LRRC74A: variants seen among roughly 807,000 people sequenced by gnomAD.
LRRC74A encodes the protein leucine rich repeat containing 74A.
LRRC74A carries 44 observed loss-of-function variants against 57.9 expected under a neutral mutation model. The observed-to-expected ratio is 0.76, with a 90% CI of 0.60 to 0.98. The LOEUF is 0.98. Ranked by LOEUF, LRRC74A falls within the 50% of genes least tolerant of loss-of-function variation. The pLI, the probability that LRRC74A is intolerant of heterozygous loss-of-function variation, is 0.00. For synonymous variants in LRRC74A, 211 were observed against 219.4 expected, an observed-to-expected ratio of 0.96 and a Z score of 0.34; for missense variants, 572 against 574.0, an observed-to-expected ratio of 1.00 and a Z score of 0.04.
At chr14:76,866,640 C>T (rs1035980279) in intron 12 of LRRC74A, among the ~76,000 whole-genome samples, 2 of 151,928 alleles carry the variant, frequency 1.3e-5, no homozygotes, top group South Asian at 2.1e-4. Context: ...GTGCCCAGGC[C>T]GGGGGTGAAG....
intron 2 of LRRC74A, chr14:76,829,127 GT>G (rs1164158964): frequency 7.8e-7 from 1 of 1,289,420 alleles, no homozygotes; most frequent in South Asian, 1.2e-5. Context: ...GAGAACACTT[GT>G]GAAGCAAGAG....
chr14:76,827,955 ACACCCCAAAACC>A (rs1449138106), intron 1 of LRRC74A, among the ~76,000 whole-genome samples: 1 of 152,144 alleles, frequency 6.6e-6, no homozygotes, highest in African/African-American at 2.4e-5. Flanking sequence ...GAGTAACAGC[ACACCCCAAAACC>A]CACCCAAACA....
chr14:76,868,441 C>T (rs903527853), intron 13 of LRRC74A, among the ~76,000 whole-genome samples: 1 of 152,188 alleles, frequency 6.6e-6, no homozygotes, highest in Non-Finnish European at 1.5e-5. Flanking sequence ...TGCACTTCAG[C>T]CTGGACGACA....
chr14:76,834,760 CT>C (rs1390235339), intron 3 of LRRC74A, among the ~76,000 whole-genome samples: 1 of 152,180 alleles, frequency 6.6e-6, no homozygotes, highest in Non-Finnish European at 1.5e-5. Flanking sequence ...CAGTATGAAT[CT>C]GGCAGTGGTG....
rs563986172 is a variant in LRRC74A, at chr14:76,845,123, A to C, written c.676+222A>C. On this transcript the variant is annotated intron_variant, in intron 7 of 13. Coordinates refer to ENST00000689127, the MANE Select transcript of LRRC74A (RefSeq NM_001385106.1). ...AGGATTGCTTGAGCCCAGGAGTTCAAGATCACCCTGGGCAACACAGGGACA... is the reference window on the plus strand; with the variant it reads ...AGGATTGCTTGAGCCCAGGAGTTCACGATCACCCTGGGCAACACAGGGACA... Among the ~76,000 whole-genome samples the C allele has an allele frequency of 5.3e-5, 8 of 152,356 alleles. No individual in the cohort carries two copies. In the South Asian group the frequency reaches 1.7e-3, roughly 32 times the overall value.
chr14:76,859,892 G>A (rs1898173753), intron 10 of LRRC74A, among the ~76,000 whole-genome samples: 1 of 151,940 alleles, frequency 6.6e-6, no homozygotes, highest in Non-Finnish European at 1.5e-5. Flanking sequence ...TGGCCAGGCT[G>A]GTCTTGAATT....
intron 7 of LRRC74A, among the ~76,000 whole-genome samples, chr14:76,846,614 G>A (rs183608710): frequency 1.4e-3 from 215 of 152,352 alleles, no homozygotes; most frequent in Non-Finnish European, 2.3e-3. Flanking sequence ...ATAGAGAAGA[G>A]TGAATGAATT....
chr14:76,831,388 G>A lies in LRRC74A; in HGVS notation c.339+13G>A. ...TATAGCCCTGGTGGTGAGCATGCTAGTGGGAGCTCATGAAACCTGGAGGAG... is the reference window on the plus strand; with the variant it reads ...TATAGCCCTGGTGGTGAGCATGCTAATGGGAGCTCATGAAACCTGGAGGAG... On this transcript the variant is annotated intron_variant, in intron 3 of 13. Transcript: ENST00000689127. 1 of 1,611,958 alleles carries A rather than the reference G, an allele frequency of 6.2e-7. No individual in the cohort carries two copies. The highest frequency in any genetic ancestry group is 8.5e-7 in the Non-Finnish European group (1 of 1,179,342).
intron 7 of LRRC74A, among the ~76,000 whole-genome samples, chr14:76,846,132 G>C (rs1020726934): frequency 6.6e-6 from 1 of 152,188 alleles, no homozygotes; most frequent in Non-Finnish European, 1.5e-5. Context: ...ATTAGACAAT[G>C]ATAAATAGCC....
At chr14:76,861,580 A>C (rs554058956) in intron 11 of LRRC74A, among the ~76,000 whole-genome samples, 14 of 152,324 alleles carry the variant, frequency 9.2e-5, no homozygotes, top group African/African-American at 3.4e-4. Context: ...TCTAATGATA[A>C]CTTGCCCCCA....
Position 76,837,888 on chromosome 14 carries a change from A to G in LRRC74A, c.461A>G (p.Asn154Ser). The G allele has an allele frequency of 6.3e-7, 1 of 1,587,838 alleles. No individual in the cohort carries two copies. The highest frequency in any genetic ancestry group is 1.1e-5 in the South Asian group (1 of 87,200). The change falls in exon 5 of 14, where the codon AAT (asparagine) becomes AGT (serine). Residue 154 changes from asparagine to serine, a missense_variant. Coordinates refer to ENST00000689127, the MANE Select transcript of LRRC74A (RefSeq NM_001385106.1). ...CTTGCCTTTTAGAATATTTCCAACA[A>G]TCACCTTGGTTTGGAGGGGGCCAGA... ...YYLQEMNISNNHLGLEGARII... is the reference protein window; with the variant it reads ...YYLQEMNISNSHLGLEGARII...
In LRRC74A at chr14:76,852,862, C is replaced by T. The variant is rs544502068; in HGVS notation, c.763-354C>T. On this transcript the variant is annotated intron_variant, in intron 8 of 13. Transcript: ENST00000689127. ...TCGAACTCCTGACCTTGTGATCCAC[C>T]CACCTCAGCCTCCTAAAGTGCTGGG... is the stretch of plus-strand genomic sequence containing the variant. Among the ~76,000 whole-genome samples, 111 of 152,248 alleles carry T rather than the reference C, an allele frequency of 7.3e-4. 1 individual carries two copies. Among genetic ancestry groups the T allele is most frequent in the South Asian group, 2.1e-4 (1 of 4,824 alleles).
At chr14:76,863,235 A>G (rs1371665255) in intron 11 of LRRC74A, among the ~76,000 whole-genome samples, 13 of 141,064 alleles carry the variant, frequency 9.2e-5, no homozygotes, top group Non-Finnish European at 1.9e-4. Context: ...AAGGCCTGTG[A>G]TGATAAAAGA....
intron 2 of LRRC74A, chr14:76,828,876 C>G (rs1895777585): frequency 1.7e-6 from 1 of 575,930 alleles, no homozygotes; most frequent in African/African-American, 1.9e-5. Context: ...TTGACTCACT[C>G]TGATGGTTCT....
At chr14:76,849,922 T>C (rs369145804) in intron 7 of LRRC74A, among the ~76,000 whole-genome samples, 1 of 150,344 alleles carries the variant, frequency 6.7e-6, no homozygotes, top group Non-Finnish European at 1.5e-5. Flanking sequence ...AAAAACTCTA[T>C]ATAGGGCCAG....
intron 9 of LRRC74A, among the ~76,000 whole-genome samples, chr14:76,853,984 G>T (rs1214661065): frequency 1.3e-5 from 2 of 152,034 alleles, no homozygotes; most frequent in African/African-American, 4.8e-5. Context: ...TCAGTCTCCT[G>T]TCTTTCAGCT....
At chr14:76,846,541 G>A (rs1293403493) in intron 7 of LRRC74A, among the ~76,000 whole-genome samples, 1 of 152,192 alleles carries the variant, frequency 6.6e-6, no homozygotes, top group East Asian at 1.9e-4. Flanking sequence ...GTACAAAAGA[G>A]GAAGTTGTCA....
chr14:76,828,533 T>C (rs17104907), intron 2 of LRRC74A, 114 bp downstream of exon 2: 160,765 of 1,514,874 alleles, frequency 0.11, 9,470 homozygotes, highest in East Asian at 0.25. Context: ...GCGGATGGCC[T>C]GTGGAGGAAA....
chr14:76,842,136 T>C (rs1046283956), intron 5 of LRRC74A, among the ~76,000 whole-genome samples: 8 of 152,230 alleles, frequency 5.3e-5, no homozygotes, highest in Non-Finnish European at 1.0e-4. Context: ...TGTTTTTTTC[T>C]ATCACATTTT....
Sources: gnomAD v4.1 joint callset for allele counts (sites outside exome capture counted in the v4.1 genomes callset) on GRCh38, gnomAD v4.1.1 for gene constraint, MANE v1.5 for transcripts, NCBI Gene and HGNC (gene_info 2026-07-23, HGNC 2026-07-21) for gene names.